Variants in SS18 observed in about 807,000 individuals in gnomAD.
SS18 encodes the protein SS18 subunit of BAF chromatin remodeling complex.
Under a neutral mutation model 72.5 loss-of-function variants are expected in SS18, and 28 were observed. The ratio of observed to expected loss-of-function variants is 0.39; its 90% CI spans 0.29 to 0.53. The LOEUF (loss-of-function observed/expected upper bound fraction) is 0.53, where lower values mean the gene tolerates loss of function less well. Among genes scored for constraint, SS18 ranks in the 20% least tolerant of loss-of-function variants. The pLI is 0.76. For missense variants in SS18, 518 were observed against 535.3 expected (o/e 0.97, Z 0.32); for synonymous variants, 172 against 164.2 (o/e 1.05, Z -0.37).
chr18:26,019,620 G>A (rs2053309536), intron 10 of SS18, among the ~76,000 whole-genome samples: 1 of 151,970 alleles, frequency 6.6e-6, no homozygotes, highest in Admixed American at 6.6e-5. Context: ...AGACCAGCCT[G>A]ACTAACATGG....
At chr18:26,045,596 A>C (rs1290657877) in intron 5 of SS18, among the ~76,000 whole-genome samples, 1 of 152,176 alleles carries the variant, frequency 6.6e-6, no homozygotes, top group Non-Finnish European at 1.5e-5. Flanking sequence ...CCTTAAGATA[A>C]ATGAGTAGCT....
At chr18:26,060,771 CAAAAAAAAAA>C (rs60999827) in intron 3 of SS18, among the ~76,000 whole-genome samples, 70 of 39,604 alleles carry the variant, frequency 1.8e-3, no homozygotes, top group East Asian at 0.014. Context: ...CTAAAAATAC[CAAAAAAAAAA>C]AAAAAAAAAA....
Position 26,075,072 on chromosome 18 carries a change from GAAGT to G in SS18, c.231+3000_231+3003del, listed in dbSNP as rs369911862. ...TAGAAATTGTCCTATAACAATTAAA[GAAGT>G]AAGTAAATAAAAACTTCCTTGCAAA... On this transcript the variant is annotated intron_variant, in intron 3 of 10. Coordinates refer to ENST00000415083, the MANE Select transcript of SS18 (RefSeq NM_001007559.3). 2.4e-3 allele frequency among the ~76,000 whole-genome samples: 366 copies of G among 151,962 alleles called. 1 individual carries two copies. Among genetic ancestry groups the G allele is most frequent in the African/African-American group, 5.0e-3 (208 of 41,532 alleles).
At chr18:26,025,084 G>A (rs1048512748) in intron 10 of SS18, among the ~76,000 whole-genome samples, 2 of 152,068 alleles carry the variant, frequency 1.3e-5, no homozygotes, top group African/African-American at 2.4e-5. Flanking sequence ...AATGGTAAAG[G>A]AGTAAATTCA....
intron 5 of SS18, among the ~76,000 whole-genome samples, chr18:26,047,259 C>CAAA (rs71169806): frequency 9.7e-3 from 711 of 73,218 alleles, no homozygotes; most frequent in Non-Finnish European, 0.014. Flanking sequence ...AGTAATATGC[C>CAAA]AAAAAAAAAA....
chr18:26,079,998 C>G (rs905378712), intron 2 of SS18, among the ~76,000 whole-genome samples: 1 of 151,718 alleles, frequency 6.6e-6, no homozygotes, highest in Non-Finnish European at 1.5e-5. Flanking sequence ...CTTAAAATAA[C>G]GCTTTCACAA....
At position 26,016,732 on chromosome 18, in the gene SS18, AAAC is replaced by A; in HGVS notation, c.*1619_*1621del. ...GAGCAAGACTCCATCTCAAAAAAAA[AAAC>A]AAAGAACAAAAAACAAAAACAAAAA... On this transcript the variant is annotated 3_prime_UTR_variant, in exon 11 of 11. Transcript: ENST00000415083. The A allele has an allele frequency of 4.5e-6, 1 of 224,168 alleles. No individual in the cohort carries two copies. The highest frequency in any genetic ancestry group is 6.5e-5 in the East Asian group (1 of 15,424). The allele number at this position is 224,168 out of a possible 1,614,324, so 13.9% of individuals were successfully genotyped here.
intron 2 of SS18, among the ~76,000 whole-genome samples, chr18:26,081,582 T>C (rs1339308106): frequency 2.6e-5 from 4 of 152,134 alleles, no homozygotes; most frequent in Admixed American, 6.5e-5. Context: ...ACTTTGTATA[T>C]AGGTCACCTA....
intron 5 of SS18, among the ~76,000 whole-genome samples, chr18:26,049,604 T>C: frequency 6.6e-6 from 1 of 152,218 alleles, no homozygotes; most frequent in African/African-American, 2.4e-5. Flanking sequence ...CTCGAAGTCC[T>C]GTGCTCAAGT....
chr18:26,022,597 C>T (rs955401451), intron 10 of SS18, among the ~76,000 whole-genome samples: 13 of 152,094 alleles, frequency 8.5e-5, no homozygotes, highest in Admixed American at 3.3e-4. Context: ...CTGCAGTGCA[C>T]GAAGGGGAAC....
chr18:26,070,881 T>C (rs1245083528), intron 3 of SS18, among the ~76,000 whole-genome samples: 1 of 152,202 alleles, frequency 6.6e-6, no homozygotes, highest in Non-Finnish European at 1.5e-5. Context: ...TATCTCAAAC[T>C]ATAGTTAGTA....
chr18:26,067,189 C>T (rs1356496327), intron 3 of SS18, among the ~76,000 whole-genome samples: 1 of 152,104 alleles, frequency 6.6e-6, no homozygotes, highest in Non-Finnish European at 1.5e-5. Flanking sequence ...AGTCTTGCTT[C>T]CTGTTTTTAA....
At chr18:26,061,110 G>A (rs563516557) in intron 3 of SS18, among the ~76,000 whole-genome samples, 5 of 152,242 alleles carry the variant, frequency 3.3e-5, no homozygotes, top group South Asian at 2.1e-4. Flanking sequence ...TCAGGAGATC[G>A]AGACCATCCT....
chr18:26,071,863 G>C (rs1213886312), intron 3 of SS18, among the ~76,000 whole-genome samples: 1 of 151,956 alleles, frequency 6.6e-6, no homozygotes, highest in East Asian at 1.9e-4. Flanking sequence ...TGAAATAAAG[G>C]CATTTTCAGA....
chr18:26,083,844 T>G (rs928369633), intron 2 of SS18, among the ~76,000 whole-genome samples: 5 of 152,118 alleles, frequency 3.3e-5, no homozygotes, highest in African/African-American at 1.2e-4. Context: ...ACCAAAGAAG[T>G]AGATCAGCTA....
chr18:26,075,061 T>C (rs2054387786), intron 3 of SS18, among the ~76,000 whole-genome samples: 1 of 151,890 alleles, frequency 6.6e-6, no homozygotes, highest in Admixed American at 6.5e-5. Context: ...AATTGTCCTA[T>C]AACAATTAAA....
intron 4 of SS18, 70 bp from the exon 5 acceptor site, chr18:26,052,915 A>G: frequency 1.1e-5 from 15 of 1,357,724 alleles, no homozygotes; most frequent in Non-Finnish European, 1.4e-5. Context: ...GTACCTGGAA[A>G]TAATTTTTTT....
At chr18:26,064,423 A>G (rs924838948) in intron 3 of SS18, among the ~76,000 whole-genome samples, 3 of 152,204 alleles carry the variant, frequency 2.0e-5, no homozygotes, top group Admixed American at 2.0e-4. Context: ...TAAAAAGATA[A>G]TACATTATAA....
At chr18:26,041,691 A>G (rs568244203) in intron 5 of SS18, among the ~76,000 whole-genome samples, 38 of 152,316 alleles carry the variant, frequency 2.5e-4, no homozygotes, top group African/African-American at 8.2e-4. Flanking sequence ...AGGTAACTAT[A>G]TAACTAAAAC....
Sources: allele counts gnomAD v4.1 joint callset (sites outside exome capture counted in the v4.1 genomes callset), GRCh38; gene constraint gnomAD v4.1.1; transcripts MANE v1.5; gene names NCBI Gene and HGNC (gene_info 2026-07-23, HGNC 2026-07-21).